The following PRKCE variants were observed in gnomAD, a reference collection of about 807,000 sequenced individuals.
PRKCE encodes the protein protein kinase C epsilon type.
In PRKCE, 16 loss-of-function variants were observed where a neutral mutation model predicts 85.4. That is an observed-to-expected ratio of 0.19 (90% CI 0.13 to 0.28). PRKCE has a LOEUF of 0.28. PRKCE is among the 10% of genes least tolerant of loss of function. The pLI, the probability that PRKCE is intolerant of heterozygous loss-of-function variation, is 1.00. For synonymous variants in PRKCE, 388 were observed against 371.5 expected, an observed-to-expected ratio of 1.04 and a Z score of -0.51; for missense variants, 573 against 975.2, an observed-to-expected ratio of 0.59 and a Z score of 5.49.
chr2:45,944,222 A>T (rs759591908), intron 2 of PRKCE, among the ~76,000 whole-genome samples: 26 of 152,260 alleles, frequency 1.7e-4, no homozygotes, highest in Middle Eastern at 3.4e-3. Context: ...CATTTGCTCC[A>T]TTCGGACTTT....
chr2:46,047,479 G>T (rs1190702075), intron 10 of PRKCE, among the ~76,000 whole-genome samples: 1 of 152,200 alleles, frequency 6.6e-6, no homozygotes, highest in Non-Finnish European at 1.5e-5. Context: ...CTCCCAGCAG[G>T]CTGTGAGCTC....
At chr2:45,909,208 G>C (rs1486145645) in intron 2 of PRKCE, among the ~76,000 whole-genome samples, 4 of 152,084 alleles carry the variant, frequency 2.6e-5, no homozygotes, top group African/African-American at 9.7e-5. Context: ...CACTTTCATG[G>C]TCATTATTTT....
At chr2:45,746,411 A>G (rs763545998) in intron 1 of PRKCE, among the ~76,000 whole-genome samples, 7 of 152,240 alleles carry the variant, frequency 4.6e-5, no homozygotes, top group Non-Finnish European at 8.8e-5. Context: ...CACCTGGCCC[A>G]TAGTGGGTGC....
At chr2:45,938,384 A>G (rs1490570376) in intron 2 of PRKCE, among the ~76,000 whole-genome samples, 2 of 152,182 alleles carry the variant, frequency 1.3e-5, no homozygotes, top group East Asian at 1.9e-4. Flanking sequence ...GATAAGTGAC[A>G]CTATACATAA....
chr2:46,176,699 T>G (rs1679464873), intron 14 of PRKCE, among the ~76,000 whole-genome samples: 1 of 152,272 alleles, frequency 6.6e-6, no homozygotes, highest in East Asian at 1.9e-4. Context: ...TGCTTCTCAA[T>G]GAATTTCACA....
At chr2:45,805,152 A>T (rs1688147912) in intron 1 of PRKCE, among the ~76,000 whole-genome samples, 1 of 152,228 alleles carries the variant, frequency 6.6e-6, no homozygotes, top group South Asian at 2.1e-4. Flanking sequence ...TAATTTATCT[A>T]ATCTTTACAG....
chr2:46,079,596 T>C (rs1668875743), intron 10 of PRKCE, among the ~76,000 whole-genome samples: 1 of 152,264 alleles, frequency 6.6e-6, no homozygotes, highest in Non-Finnish European at 1.5e-5. Flanking sequence ...CTGCTCATGC[T>C]GTCACCAGCA....
rs1009979439 is a variant in PRKCE at position 45,869,491 on chromosome 2, A to G, written c.412+26428A>G. Among the ~76,000 whole-genome samples, 12 of 152,276 alleles carry G rather than the reference A, an allele frequency of 7.9e-5. No homozygotes were observed. In the East Asian group the frequency reaches 9.6e-4, roughly 12 times the overall value. ...ATTTAGCACCTATTACACGCCAGGC[A>G]CTGTGCTGAGCCTTTCACACATGCT... On this transcript the variant is annotated intron_variant, in intron 2 of 14. Coordinates refer to ENST00000306156, the MANE Select transcript of PRKCE (RefSeq NM_005400.3).
chr2:45,712,347 G>A (rs188987698), intron 1 of PRKCE, among the ~76,000 whole-genome samples: 1 of 151,736 alleles, frequency 6.6e-6, no homozygotes. Flanking sequence ...TAGAGACGAG[G>A]GTTCCCCATA....
chr2:45,990,665 T>A (rs991196718), intron 6 of PRKCE, among the ~76,000 whole-genome samples: 1 of 151,886 alleles, frequency 6.6e-6, no homozygotes, highest in Non-Finnish European at 1.5e-5. Context: ...TTTCTTTTTT[T>A]TTTTTTTGAG....
intron 10 of PRKCE, among the ~76,000 whole-genome samples, chr2:46,051,093 C>A (rs1445779619): frequency 6.6e-6 from 1 of 152,234 alleles, no homozygotes; most frequent in Non-Finnish European, 1.5e-5. Flanking sequence ...ATGGATTCTG[C>A]TTTCATAGTC....
chr2:45,682,434 T>C (rs1432235552), intron 1 of PRKCE, among the ~76,000 whole-genome samples: 1 of 152,112 alleles, frequency 6.6e-6, no homozygotes, highest in Non-Finnish European at 1.5e-5. Flanking sequence ...TTTTATTTAT[T>C]TATTTTTTTT....
chr2:45,906,955 A>C (rs534267779), intron 2 of PRKCE, among the ~76,000 whole-genome samples: 4 of 152,274 alleles, frequency 2.6e-5, no homozygotes, highest in South Asian at 2.1e-4. Context: ...CTGCATTGTG[A>C]GTGTGGGCCC....
chr2:45,811,156 C>T (rs1187687767), intron 1 of PRKCE, among the ~76,000 whole-genome samples: 1 of 152,188 alleles, frequency 6.6e-6, no homozygotes, highest in Admixed American at 6.5e-5. Context: ...AAGGGGAATA[C>T]AGATATTGCC....
At chr2:45,947,422 A>T (rs1187299278) in intron 2 of PRKCE, among the ~76,000 whole-genome samples, 13 of 152,246 alleles carry the variant, frequency 8.5e-5, no homozygotes, top group Non-Finnish European at 1.9e-4. Context: ...ATTACATGAC[A>T]GAATATATAC....
At chr2:45,831,787 G>A (rs1385882382) in intron 1 of PRKCE, among the ~76,000 whole-genome samples, 2 of 152,034 alleles carry the variant, frequency 1.3e-5, no homozygotes, top group East Asian at 3.9e-4. Flanking sequence ...ATGGGGCAGA[G>A]GACTGTTGCT....
At chr2:46,020,435 A>G (rs1706553112) in intron 10 of PRKCE, among the ~76,000 whole-genome samples, 1 of 151,940 alleles carries the variant, frequency 6.6e-6, no homozygotes. Context: ...ACCTACCCAT[A>G]TTATAATCTA....
intron 2 of PRKCE, among the ~76,000 whole-genome samples, chr2:45,884,761 C>T (rs1474094418): frequency 6.6e-6 from 1 of 151,384 alleles, no homozygotes; most frequent in African/African-American, 2.4e-5. Flanking sequence ...AATACTTGCT[C>T]GTTGTAAAAA....
At chr2:46,012,544 C>T (rs1351561741) in intron 10 of PRKCE, among the ~76,000 whole-genome samples, 1 of 152,160 alleles carries the variant, frequency 6.6e-6, no homozygotes, top group Non-Finnish European at 1.5e-5. Context: ...CTGTCCCCAG[C>T]AGGTAGCCCT....
Sources: gnomAD v4.1 joint callset for allele counts (sites outside exome capture counted in the v4.1 genomes callset) on GRCh38, gnomAD v4.1.1 for gene constraint, MANE v1.5 for transcripts, NCBI Gene and HGNC (gene_info 2026-07-23, HGNC 2026-07-21) for gene names.